The following KLF12 variants were observed in gnomAD, a reference collection of about 807,000 sequenced individuals.
The protein encoded by KLF12 is Krueppel-like factor 12.
Under a neutral mutation model 37.8 loss-of-function variants are expected in KLF12, and 9 were observed. That is an observed-to-expected ratio of 0.24 (90% confidence interval 0.14 to 0.42). The LOEUF (loss-of-function observed/expected upper bound fraction) is 0.42. Ranked by LOEUF, KLF12 falls within the 10% of genes least tolerant of loss-of-function variation. KLF12 has a pLI of 1.00. For missense variants in KLF12, 411 were observed against 516.0 expected, an observed-to-expected ratio of 0.80 and a Z score of 1.97; for synonymous variants, 208 against 202.1, an observed-to-expected ratio of 1.03 and a Z score of -0.25.
the KLF12 span, among the ~76,000 whole-genome samples, chr13:74,218,397 G>A: frequency 7.2e-5 from 11 of 152,248 alleles, no homozygotes; most frequent in South Asian, 1.9e-3. Flanking sequence ...TGGGAAATGC[G>A]GTTGTCTGGG....
At chr13:73,763,708 C>T (rs1422715858) in intron 6 of KLF12, among the ~76,000 whole-genome samples, 2 of 152,102 alleles carry the variant, frequency 1.3e-5, no homozygotes, top group Admixed American at 6.5e-5. Context: ...TAGCTTGTGG[C>T]GTGTGATAAG....
At chr13:74,103,492 A>T (rs1172377375) in intron 1 of KLF12, among the ~76,000 whole-genome samples, 2 of 152,196 alleles carry the variant, frequency 1.3e-5, no homozygotes, top group Non-Finnish European at 2.9e-5. Flanking sequence ...AGGAGCAGGG[A>T]TATGTTGCCC....
intron 5 of KLF12, chr13:73,800,152 T>C (rs1288454512): frequency 1.3e-5 from 2 of 152,120 alleles, no homozygotes; most frequent in African/African-American, 4.8e-5. Context: ...ACAGATTTTG[T>C]TTATTCTCCT....
intron 1 of KLF12, among the ~76,000 whole-genome samples, chr13:74,070,494 T>G (rs545329444): frequency 1.1e-4 from 14 of 127,464 alleles, no homozygotes; most frequent in African/African-American, 3.5e-4. Flanking sequence ...TGGGGTTTTG[T>G]TTGTTTGTTT....
the KLF12 span, among the ~76,000 whole-genome samples, chr13:74,272,996 A>G: frequency 3.9e-5 from 6 of 152,324 alleles, no homozygotes; most frequent in African/African-American, 1.4e-4. Context: ...TTTAAAATAA[A>G]TTAAGCAAAC....
the KLF12 span, among the ~76,000 whole-genome samples, chr13:74,289,917 A>G: frequency 6.6e-6 from 1 of 152,170 alleles, no homozygotes; most frequent in African/African-American, 2.4e-5. Flanking sequence ...CAAAATCCTA[A>G]GAGTTAAAAA....
the KLF12 span, among the ~76,000 whole-genome samples, chr13:74,221,211 T>C: frequency 2.0e-5 from 3 of 152,180 alleles, no homozygotes; most frequent in African/African-American, 7.2e-5. Context: ...TTTCACTGTG[T>C]TAGCCAGGAT....
chr13:74,303,079 A>C, the KLF12 span, among the ~76,000 whole-genome samples: 28 of 152,250 alleles, frequency 1.8e-4, no homozygotes, highest in Non-Finnish European at 2.5e-4. Context: ...AGAGGCATAA[A>C]CTGGGACCAT....
intron 1 of KLF12, among the ~76,000 whole-genome samples, chr13:74,042,087 T>G (rs1414937103): frequency 6.6e-6 from 1 of 151,936 alleles, no homozygotes; most frequent in African/African-American, 2.4e-5. Flanking sequence ...GTGGATCACT[T>G]TAGGTGAGGA....
chr13:73,911,499 GC>G (rs554844830), intron 3 of KLF12, among the ~76,000 whole-genome samples: 41 of 152,154 alleles, frequency 2.7e-4, no homozygotes, highest in Non-Finnish European at 5.4e-4. Context: ...CTTCAGTACT[GC>G]CCATGTACTC....
At chr13:74,040,243 G>T (rs1160016150) in intron 1 of KLF12, among the ~76,000 whole-genome samples, 1 of 152,180 alleles carries the variant, frequency 6.6e-6, no homozygotes, top group Non-Finnish European at 1.5e-5. Context: ...AGTCTAACAT[G>T]TATCAGGCAT....
At chr13:74,293,913 T>C in the KLF12 span, among the ~76,000 whole-genome samples, 1 of 152,260 alleles carries the variant, frequency 6.6e-6, no homozygotes, top group Non-Finnish European at 1.5e-5. Context: ...ATTGAAATTC[T>C]GAATGTACAG....
chr13:73,966,985 T>G (rs1891186571), intron 2 of KLF12, among the ~76,000 whole-genome samples: 1 of 152,326 alleles, frequency 6.6e-6, no homozygotes, highest in African/African-American at 2.4e-5. Flanking sequence ...ATCTTATAAA[T>G]AGTAACCAAA....
At chr13:73,836,228 G>C (rs896461176) in intron 4 of KLF12, among the ~76,000 whole-genome samples, 1 of 152,008 alleles carries the variant, frequency 6.6e-6, no homozygotes, top group Non-Finnish European at 1.5e-5. Context: ...GTTTTCTAAA[G>C]AATACAAAGC....
At chr13:73,930,822 TAAATC>T (rs1247698247) in intron 3 of KLF12, among the ~76,000 whole-genome samples, 1 of 151,486 alleles carries the variant, frequency 6.6e-6, no homozygotes, top group Non-Finnish European at 1.5e-5. Context: ...TCATTAATGT[TAAATC>T]TTTTTTCAAC....
intron 6 of KLF12, among the ~76,000 whole-genome samples, chr13:73,731,098 T>C (rs766135296): frequency 1.3e-5 from 2 of 152,134 alleles, no homozygotes; most frequent in Non-Finnish European, 2.9e-5. Flanking sequence ...TCTTTAAATA[T>C]GAATCAGAGG....
chr13:74,259,649 T>C, the KLF12 span: 1 of 152,234 alleles, frequency 6.6e-6, no homozygotes, highest in Non-Finnish European at 1.5e-5. Context: ...TAGCCAATAC[T>C]ACAACAATGC....
chr13:73,774,363 G>A (rs1347595491), intron 5 of KLF12, among the ~76,000 whole-genome samples: 1 of 151,040 alleles, frequency 6.6e-6, no homozygotes, highest in African/African-American at 2.4e-5. Flanking sequence ...TGTAAGAGAA[G>A]GTGACTGAAA....
At chr13:73,727,977 G>A (rs1208399587) in intron 6 of KLF12, among the ~76,000 whole-genome samples, 3 of 152,206 alleles carry the variant, frequency 2.0e-5, no homozygotes, top group Non-Finnish European at 1.5e-5. Flanking sequence ...GATTACAGGC[G>A]TGTGCCGCCG....
Sources: gnomAD v4.1 joint callset for allele counts (sites outside exome capture counted in the v4.1 genomes callset) on GRCh38, gnomAD v4.1.1 for gene constraint, MANE v1.5 for transcripts, NCBI Gene and HGNC (gene_info 2026-07-23, HGNC 2026-07-21) for gene names.